GREB1L: variants seen among roughly 807,000 people sequenced by gnomAD.
The protein encoded by GREB1L is GREB1-like protein.
A neutral mutation model predicts 200.8 loss-of-function variants in GREB1L; 17 were observed. The ratio of observed to expected loss-of-function variants is 0.08; its 90% CI spans 0.06 to 0.13. GREB1L has a LOEUF of 0.13. Ranked by LOEUF, GREB1L falls within the 10% of genes least tolerant of loss-of-function variation. The pLI, the probability that GREB1L is intolerant of heterozygous loss-of-function variation, is 1.00. For missense variants in GREB1L, 1,657 were observed against 2,367.7 expected, an observed-to-expected ratio of 0.70 and a Z score of 6.23; for synonymous variants, 789 against 893.0, an observed-to-expected ratio of 0.88 and a Z score of 2.08.
intron 1 of GREB1L, among the ~76,000 whole-genome samples, chr18:21,311,529 T>G (rs886850972): frequency 3.0e-4 from 45 of 152,166 alleles, no homozygotes; most frequent in African/African-American, 1.0e-3. Flanking sequence ...CTGAAAAATG[T>G]TAAATTTTGC....
chr18:21,340,830 C>G (rs1478146767), intron 1 of GREB1L, among the ~76,000 whole-genome samples: 1 of 152,136 alleles, frequency 6.6e-6, no homozygotes, highest in Non-Finnish European at 1.5e-5. Flanking sequence ...GGCGTTGAGC[C>G]ACCGCACCCG....
intron 1 of GREB1L, among the ~76,000 whole-genome samples, chr18:21,357,763 A>C (rs985097156): frequency 4.6e-5 from 7 of 152,150 alleles, no homozygotes; most frequent in African/African-American, 1.4e-4. Context: ...CTTTCTTGAC[A>C]ATCAGTTGAC....
chr18:21,401,641 T>G (rs562226140), intron 6 of GREB1L, among the ~76,000 whole-genome samples: 2 of 152,322 alleles, frequency 1.3e-5, no homozygotes, highest in South Asian at 4.1e-4. Flanking sequence ...AGCTCCTTGG[T>G]TAGATGCCGT....
intron 5 of GREB1L, among the ~76,000 whole-genome samples, chr18:21,398,396 C>T (rs1567978274): frequency 6.6e-6 from 1 of 152,184 alleles, no homozygotes. Context: ...ATAGTATTTG[C>T]TCTTCAAATG....
At chr18:21,395,038 G>A (rs1290739751) in intron 4 of GREB1L, among the ~76,000 whole-genome samples, 1 of 149,578 alleles carries the variant, frequency 6.7e-6, no homozygotes, top group African/African-American at 2.5e-5. Context: ...CCTGGGAGGT[G>A]GAGGTTGCAG....
chr18:21,396,929 G>A (rs2041089714), intron 5 of GREB1L, among the ~76,000 whole-genome samples: 1 of 152,126 alleles, frequency 6.6e-6, no homozygotes, highest in Non-Finnish European at 1.5e-5. Context: ...TACTATAGAT[G>A]AAATCATGTT....
chr18:21,349,427 G>C (rs1331450168), intron 1 of GREB1L, among the ~76,000 whole-genome samples: 2 of 152,062 alleles, frequency 1.3e-5, no homozygotes, highest in Non-Finnish European at 2.9e-5. Context: ...CTATGCCTTT[G>C]ATAGTCTGTT....
chr18:21,425,785 G>C (rs1423521640), intron 7 of GREB1L, among the ~76,000 whole-genome samples: 3 of 152,010 alleles, frequency 2.0e-5, no homozygotes, highest in Non-Finnish European at 2.9e-5. Context: ...TGGAATACAA[G>C]TCCTATATCA....
chr18:21,465,051 T>A (rs2035213414), intron 15 of GREB1L, among the ~76,000 whole-genome samples: 1 of 152,222 alleles, frequency 6.6e-6, no homozygotes, highest in Non-Finnish European at 1.5e-5. Context: ...ATGGAATGGC[T>A]AAATCAAACT....
intron 1 of GREB1L, among the ~76,000 whole-genome samples, chr18:21,313,084 C>G (rs1413624620): frequency 6.6e-6 from 1 of 151,912 alleles, no homozygotes; most frequent in African/African-American, 2.4e-5. Context: ...AATGGTCTCC[C>G]GTTCTGTAGG....
At chr18:21,522,587 T>C (rs2146138724) in intron 32 of GREB1L, 71 bp from the exon 33 acceptor site, 1 of 1,177,038 alleles carries the variant, frequency 8.5e-7, no homozygotes, top group Non-Finnish European at 1.2e-6. Context: ...TTAGGAAATA[T>C]AATCAGAGAT....
intron 28 of GREB1L, among the ~76,000 whole-genome samples, chr18:21,514,234 C>A (rs189724719): frequency 6.6e-6 from 1 of 152,246 alleles, no homozygotes; most frequent in East Asian, 1.9e-4. Context: ...AAGTCTACTG[C>A]GGCCAGGCAC....
At chr18:21,328,676 G>A (rs552911815) in intron 1 of GREB1L, among the ~76,000 whole-genome samples, 96 of 151,940 alleles carry the variant, frequency 6.3e-4, no homozygotes, top group Non-Finnish European at 1.1e-3. Context: ...GTGTGTGTAC[G>A]TGCATATGTG....
chr18:21,508,781 G>C lies in GREB1L; in HGVS notation c.4735+190G>C, dbSNP rs2037123055. On this transcript the variant is annotated intron_variant, in intron 27 of 32. Coordinates refer to ENST00000424526, the MANE Select transcript of GREB1L (RefSeq NM_001142966.3). ...TTGAGTTTTCTTTTTCCCTTTATCT[G>C]CACTTTTGCAGAATTAACTCTGAGG... 4.9e-6 allele frequency: 3 copies of C among 606,098 alleles called. No homozygotes were observed. The South Asian group carries it at 6.0e-5, about 12-fold the overall frequency. The allele number at this position is 606,098 out of a possible 1,614,324, so 37.5% of individuals were successfully genotyped here.
intron 7 of GREB1L, among the ~76,000 whole-genome samples, chr18:21,418,899 A>G (rs2031897797): frequency 6.6e-6 from 1 of 152,230 alleles, no homozygotes; most frequent in Admixed American, 6.5e-5. Flanking sequence ...AAGGAAGTAC[A>G]GTCATGTACC....
chr18:21,454,241 G>A (rs533123532), intron 14 of GREB1L, 125 bp from the exon 15 acceptor site: 3 of 662,844 alleles, frequency 4.5e-6, no homozygotes, highest in Non-Finnish European at 7.8e-6. Flanking sequence ...GCAAATAGCA[G>A]GTGAGAATTC....
intron 4 of GREB1L, among the ~76,000 whole-genome samples, chr18:21,391,123 C>A (rs1366902003): frequency 6.6e-6 from 1 of 152,166 alleles, no homozygotes; most frequent in Non-Finnish European, 1.5e-5. Context: ...TGTCCTAGGC[C>A]TTCACATTCA....
At chr18:21,341,837 C>A (rs1306000110) in intron 1 of GREB1L, among the ~76,000 whole-genome samples, 1 of 152,126 alleles carries the variant, frequency 6.6e-6, no homozygotes, top group East Asian at 1.9e-4. Flanking sequence ...GGTGTAAGGT[C>A]TTTCCTTCCA....
At chr18:21,313,269 A>T (rs2038820229) in intron 1 of GREB1L, among the ~76,000 whole-genome samples, 1 of 152,200 alleles carries the variant, frequency 6.6e-6, no homozygotes, top group East Asian at 1.9e-4. Flanking sequence ...ATACAAAATC[A>T]TGTAGGCAAC....
Sources: allele counts gnomAD v4.1 joint callset (sites outside exome capture counted in the v4.1 genomes callset), GRCh38; gene constraint gnomAD v4.1.1; transcripts MANE v1.5; gene names NCBI Gene and HGNC (gene_info 2026-07-23, HGNC 2026-07-21).